DGKI: variants seen among roughly 807,000 people sequenced by gnomAD.
DGKI encodes the protein diacylglycerol kinase iota.
DGKI carries 55 observed loss-of-function variants against 147.5 expected under a neutral mutation model. The ratio of observed to expected loss-of-function variants is 0.37; its 90% confidence interval spans 0.30 to 0.47. The LOEUF is 0.47. Among genes scored for constraint, DGKI ranks in the 20% least tolerant of loss-of-function variants. The pLI is 1.00. For missense variants in DGKI, 1,007 were observed against 1,323.8 expected, an observed-to-expected ratio of 0.76 and a Z score of 3.71; for synonymous variants, 469 against 477.1, an observed-to-expected ratio of 0.98 and a Z score of 0.22.
intron 7 of DGKI, among the ~76,000 whole-genome samples, chr7:137,622,572 G>A (rs2128998272): frequency 6.6e-6 from 1 of 152,234 alleles, no homozygotes; most frequent in East Asian, 1.9e-4. Context: ...TGCCATTGTA[G>A]CATGAAAGTG....
At chr7:137,778,637 T>C (rs1796433220) in intron 1 of DGKI, among the ~76,000 whole-genome samples, 1 of 151,538 alleles carries the variant, frequency 6.6e-6, no homozygotes, top group Admixed American at 6.6e-5. Context: ...AAAGTGAACA[T>C]GGTTAGGCAA....
Position 137,425,996 on chromosome 7 carries a change from C to G in DGKI, c.2762-13789G>C, listed in dbSNP as rs535488554. 1.4e-4 allele frequency among the ~76,000 whole-genome samples: 21 copies of G among 152,312 alleles called. No individual in the cohort carries two copies. In the South Asian group the frequency reaches 3.9e-3, roughly 29 times the overall value. On this transcript the variant is annotated intron_variant, in intron 28 of 32. Transcript: ENST00000614521. ...CTCTGCAGGATATTATCCAGGAGAA[C>G]TTCCCCAATCTAAAAAGGCAGGCCA...
At chr7:137,549,126 G>C (rs115257606) in intron 20 of DGKI, among the ~76,000 whole-genome samples, 1 of 152,210 alleles carries the variant, frequency 6.6e-6, no homozygotes, top group Non-Finnish European at 1.5e-5. Flanking sequence ...CATGTGTACA[G>C]CTGTGAAGGG....
intron 20 of DGKI, among the ~76,000 whole-genome samples, chr7:137,531,471 G>A (rs1817335511): frequency 6.6e-6 from 1 of 152,136 alleles, no homozygotes; most frequent in South Asian, 2.1e-4. Flanking sequence ...ACTGTCAGTT[G>A]GAGGGAGGAC....
At chr7:137,477,496 A>G (rs1004181070) in intron 23 of DGKI, among the ~76,000 whole-genome samples, 9 of 152,246 alleles carry the variant, frequency 5.9e-5, no homozygotes, top group Non-Finnish European at 1.2e-4. Context: ...AAACAGCATT[A>G]AATATATACC....
At chr7:137,498,144 T>G (rs1199605078) in intron 21 of DGKI, among the ~76,000 whole-genome samples, 3 of 150,410 alleles carry the variant, frequency 2.0e-5, no homozygotes, top group African/African-American at 4.9e-5. Context: ...AATAAAAGAG[T>G]ACAAAACCCT....
chr7:137,598,903 A>G (rs1362122268), intron 11 of DGKI, among the ~76,000 whole-genome samples: 1 of 152,118 alleles, frequency 6.6e-6, no homozygotes, highest in East Asian at 1.9e-4. Context: ...AGAGAGGAAG[A>G]ATCTTGCAGC....
At chr7:137,665,488 T>C (rs3778793) in intron 3 of DGKI, among the ~76,000 whole-genome samples, 26,310 of 152,046 alleles carry the variant, frequency 0.17, 6,856 homozygotes, top group African/African-American at 0.57. Flanking sequence ...ATGGTTGGAA[T>C]TGCCTCTCGA....
intron 14 of DGKI, among the ~76,000 whole-genome samples, chr7:137,584,926 A>G (rs976219742): frequency 1.3e-5 from 2 of 152,204 alleles, no homozygotes; most frequent in Admixed American, 1.3e-4. Flanking sequence ...ATTAACATGA[A>G]TGATTAAGAC....
chr7:137,517,347 AAG>A (rs1816811946), intron 21 of DGKI, among the ~76,000 whole-genome samples: 1 of 143,246 alleles, frequency 7.0e-6, no homozygotes, highest in Non-Finnish European at 1.5e-5. Flanking sequence ...AAGAGAAAGA[AAG>A]AAAGAAGGAA....
chr7:137,499,213 G>A (rs1304317004), intron 21 of DGKI, among the ~76,000 whole-genome samples: 1 of 152,176 alleles, frequency 6.6e-6, no homozygotes, highest in East Asian at 1.9e-4. Flanking sequence ...AACGAGTAAA[G>A]TAGTTATCCC....
At chr7:137,609,134 G>GTTTTCCACCTCCC in intron 9 of DGKI, 70 bp from the exon 10 acceptor site, 1 of 1,190,800 alleles carries the variant, frequency 8.4e-7, no homozygotes, top group Non-Finnish European at 1.2e-6. Context: ...GGCAAGGGAG[G>GTTTTCCACCTCCC]TGGAAAACCA....
intron 30 of DGKI, among the ~76,000 whole-genome samples, chr7:137,398,401 T>C (rs1811631139): frequency 6.6e-6 from 1 of 152,198 alleles, no homozygotes; most frequent in African/African-American, 2.4e-5. Flanking sequence ...TGTCATTCCT[T>C]GGTGTCTAGT....
chr7:137,613,169 A>C (rs1044546390), intron 8 of DGKI, among the ~76,000 whole-genome samples: 24 of 152,268 alleles, frequency 1.6e-4, no homozygotes, highest in Admixed American at 5.2e-4. Context: ...GACTGGTTAT[A>C]ATAACAGATC....
intron 1 of DGKI, among the ~76,000 whole-genome samples, chr7:137,801,490 C>T (rs1409045863): frequency 1.3e-5 from 2 of 152,168 alleles, no homozygotes; most frequent in African/African-American, 2.4e-5. Flanking sequence ...GCTTGGGACC[C>T]TCCAGTTTCT....
Position 137,465,952 on chromosome 7 carries a change from C to T in DGKI, c.2568G>A (p.Gly856=). ...CCAGGTCAGGCATGCCCGGAGGTGT[C>T]CCCGCCGGCTGTGACACCACCATAT... is the stretch of plus-strand genomic sequence containing the variant. ...DPDMVVSQPA[G]TPPGMPDLVV... Residue 856 remains glycine, a synonymous_variant, in exon 26 of 33, where the codon GGG becomes GGA. Transcript: ENST00000614521. 1 of 1,614,090 alleles carries T rather than the reference C, an allele frequency of 6.2e-7. No homozygotes were observed. The highest frequency in any genetic ancestry group is 8.5e-7 in the Non-Finnish European group (1 of 1,179,958).
intron 20 of DGKI, among the ~76,000 whole-genome samples, chr7:137,528,780 C>A (rs138760376): frequency 9.9e-5 from 15 of 152,202 alleles, no homozygotes; most frequent in African/African-American, 3.6e-4. Flanking sequence ...TGATCCTCAC[C>A]AAGCAGTAAG....
chr7:137,687,390 A>C (rs3778798), intron 2 of DGKI, among the ~76,000 whole-genome samples: 44,895 of 152,088 alleles, frequency 0.3, 7,219 homozygotes, highest in South Asian at 0.49. Flanking sequence ...TTGAGTCCAG[A>C]AGAGTAGACT....
chr7:137,691,390 CCCCAGAAAGG>C (rs1423980498), intron 1 of DGKI, among the ~76,000 whole-genome samples: 1 of 151,912 alleles, frequency 6.6e-6, no homozygotes, highest in Non-Finnish European at 1.5e-5. Flanking sequence ...TACCCTGGAT[CCCCAGAAAGG>C]CCCAGATCCT....
Sources: gnomAD v4.1 joint callset for allele counts (sites outside exome capture counted in the v4.1 genomes callset) on GRCh38, gnomAD v4.1.1 for gene constraint, MANE v1.5 for transcripts, NCBI Gene and HGNC (gene_info 2026-07-23, HGNC 2026-07-21) for gene names.